CATSPERG: variants seen among roughly 807,000 people sequenced by gnomAD.
The protein encoded by CATSPERG is cation channel sperm-associated auxiliary subunit gamma.
A neutral mutation model predicts 145.0 loss-of-function variants in CATSPERG; 115 were observed. That is an observed-to-expected ratio of 0.79 (90% confidence interval 0.68 to 0.93). CATSPERG has a LOEUF of 0.93. Among genes scored for constraint, CATSPERG ranks in the 40% least tolerant of loss-of-function variants. CATSPERG has a pLI of 0.00. For synonymous variants in CATSPERG, 588 were observed against 589.0 expected (o/e 1.00, Z 0.02); for missense variants, 1,296 against 1,490.1 (o/e 0.87, Z 2.14).
intron 8 of CATSPERG, 63 bp downstream of exon 8, chr19:38,352,495 G>A: frequency 6.7e-7 from 1 of 1,481,638 alleles, no homozygotes; most frequent in Non-Finnish European, 9.2e-7. Flanking sequence ...CTCCACTGAA[G>A]GTGGCTGGGG....
chr19:38,368,004 C>T, intron 25 of CATSPERG, 44 bp from the exon 26 acceptor site: 3 of 1,578,660 alleles, frequency 1.9e-6, no homozygotes, highest in East Asian at 2.2e-5. Flanking sequence ...ACCTCCCCTA[C>T]ACCGCCCCCC....
chr19:38,360,893 C>T (rs1360348982), intron 16 of CATSPERG, 50 bp downstream of exon 16: 2 of 1,424,716 alleles, frequency 1.4e-6, no homozygotes, highest in Non-Finnish European at 1.9e-6. Flanking sequence ...CCGGCACTGC[C>T]CTCCTGAAGC....
Position 38,343,987 on chromosome 19 carries a change from C to T in CATSPERG, c.470-6C>T, listed in dbSNP as rs538661583. ...AGCAGTTTCAGTGCCCAGGGCCTCC[C>T]TGCAGAGCCATGCATGGCAGAAGAA... is the stretch of plus-strand genomic sequence containing the variant. On this transcript the variant is annotated splice_polypyrimidine_tract_variant and splice_region_variant and intron_variant, in intron 4 of 28. Transcript: ENST00000409235. 6.5e-7 allele frequency: 1 copy of T among 1,549,760 alleles called. No homozygotes were observed. The highest frequency in any genetic ancestry group is 1.4e-5 in the African/African-American group (1 of 73,088).
chr19:38,341,145 G>A (rs1307072203), intron 3 of CATSPERG, among the ~76,000 whole-genome samples: 1 of 152,142 alleles, frequency 6.6e-6, no homozygotes, highest in Non-Finnish European at 1.5e-5. Flanking sequence ...GGGAAGTGAT[G>A]GGGGAAGGTT....
chr19:38,352,398 C>G lies in CATSPERG; in HGVS notation c.963C>G (p.Thr321=), dbSNP rs1286659969. The G allele has an allele frequency of 6.4e-7, 1 of 1,551,980 alleles. No homozygotes were observed. Among genetic ancestry groups the G allele is most frequent in the South Asian group, 1.2e-5 (1 of 84,052 alleles). Reference sequence around the variant, plus strand: ...AGCTGGTCTACTATTTTACAGGCACCTATACCACACTCTATGAGAGAAACC... The same window carrying G: ...AGCTGGTCTACTATTTTACAGGCACGTATACCACACTCTATGAGAGAAACC... ...QNQLVYYFTG[T]YTTLYERNRG... The change falls in exon 8 of 29, where the codon ACC becomes ACG. Residue 321 remains threonine, a synonymous_variant. Coordinates refer to ENST00000409235, the MANE Select transcript of CATSPERG (RefSeq NM_021185.5).
At chr19:38,356,414 C>G in intron 9 of CATSPERG, 70 bp from the exon 10 acceptor site, 1 of 1,438,140 alleles carries the variant, frequency 7.0e-7, no homozygotes, top group Non-Finnish European at 9.7e-7. Flanking sequence ...GGAGGGCAAT[C>G]GGAGTTGGCT....
At chr19:38,345,493 C>T (rs1381153464) in intron 6 of CATSPERG, among the ~76,000 whole-genome samples, 3 of 150,374 alleles carry the variant, frequency 2.0e-5, no homozygotes, top group African/African-American at 7.3e-5. Context: ...GTGCCCGGCC[C>T]ATGCCCATAT....
intron 17 of CATSPERG, 40 bp downstream of exon 17, chr19:38,361,901 C>G (rs1479082724): frequency 3.0e-6 from 4 of 1,326,424 alleles, no homozygotes; most frequent in South Asian, 2.4e-5. Context: ...TGAGACGGGA[C>G]TGGGGCAGCC....
rs747558785 is a variant in CATSPERG at position 38,362,614 on chromosome 19, A to C, written c.2356+40A>C. ...AGAGTGGAGCCCGAAGGGCGGGGCGAGGGCTACCAGAATCTGGGAGCCTGG... is the reference window on the plus strand; with the variant it reads ...AGAGTGGAGCCCGAAGGGCGGGGCGCGGGCTACCAGAATCTGGGAGCCTGG... On this transcript the variant is annotated intron_variant, in intron 19 of 28. Transcript: ENST00000409235. 1.4e-5 allele frequency: 23 copies of C among 1,588,964 alleles called. No individual in the cohort carries two copies. The Admixed American group carries it at 3.9e-4, about 27-fold the overall frequency.
Position 38,349,641 on chromosome 19 carries a change from T to TG in CATSPERG, c.826-2619dup, listed in dbSNP as rs1970100895. 4 of 152,396 alleles carry TG rather than the reference T, an allele frequency of 2.6e-5. No individual in the cohort carries two copies. In the Admixed American group the frequency reaches 2.6e-4, roughly 10 times the overall value. 9.4% of individuals were successfully genotyped at this position (152,396 alleles called of 1,614,324 possible). On this transcript the variant is annotated intron_variant, in intron 7 of 28. Transcript: ENST00000409235. ...TACTTAAACAGAGACTGTTGCTCAT[T>TG]GTTTTTTTTTGTTTGTTTGTTTGTT...
chr19:38,365,039 C>T (rs761368282), intron 21 of CATSPERG, 22 bp from the exon 22 acceptor site: 1 of 1,613,978 alleles, frequency 6.2e-7, no homozygotes, highest in Non-Finnish European at 8.5e-7. Context: ...GGATCACCAT[C>T]TTCACCTGCT....
intron 6 of CATSPERG, among the ~76,000 whole-genome samples, chr19:38,345,489 G>A (rs1183441565): frequency 6.6e-6 from 1 of 151,024 alleles, no homozygotes. Context: ...CACTGTGCCC[G>A]GCCCATGCCC....
intron 20 of CATSPERG, among the ~76,000 whole-genome samples, chr19:38,363,379 G>A (rs1221668677): frequency 1.3e-5 from 2 of 151,598 alleles, no homozygotes; most frequent in African/African-American, 2.4e-5. Context: ...GTCTCCCTAT[G>A]TTGCCCAGGC....
chr19:38,361,508 C>A, intron 16 of CATSPERG, 140 bp from the exon 17 acceptor site: 1 of 686,632 alleles, frequency 1.5e-6, no homozygotes, highest in East Asian at 2.7e-5. Flanking sequence ...GGCCTCTGGG[C>A]AGCAGGGGCT....
At position 38,362,452 on chromosome 19, in the gene CATSPERG, T is replaced by C. The variant is rs1219815927; in HGVS notation, c.2234T>C (p.Ile745Thr). Residue 745 changes from isoleucine (I) to threonine (T), a missense_variant, in exon 19 of 29, where the codon ATC becomes ACC. Coordinates refer to ENST00000409235, the MANE Select transcript of CATSPERG (RefSeq NM_021185.5). ...ATAGAAATGGACAGCTACGAAAAGA[T>C]CTACAACCTCGAGTCCGCGTACGAG... Reference protein sequence around the residue: ...VSIEMDSYEKIYNLESAYELP... With the variant: ...VSIEMDSYEKTYNLESAYELP... The C allele has an allele frequency of 1.2e-6, 2 of 1,613,868 alleles. No individual in the cohort carries two copies. The highest frequency in any genetic ancestry group is 1.3e-5 in the African/African-American group (1 of 74,928).
chr19:38,367,865 C>A lies in CATSPERG; in HGVS notation c.2930+89C>A, dbSNP rs2302187. ...AAGCCAAGCCCACCTCGCAAGCCCC[C>A]ACCTCTGCGTCTCAGGCCCTGCCCA... On this transcript the variant is annotated intron_variant, in intron 25 of 28. Transcript: ENST00000409235. 3,361 of 1,310,902 alleles carry A rather than the reference C, an allele frequency of 2.6e-3. 60 individuals carry two copies. The East Asian group carries it at 0.05, about 19-fold the overall frequency. 81.2% of individuals were successfully genotyped at this position (1,310,902 alleles called of 1,614,324 possible). A position where few individuals can be genotyped will look rare whatever the true frequency, so the allele number is the denominator to read the frequency against.
In CATSPERG at chr19:38,346,430, C is replaced by G. The variant is rs895207525; in HGVS notation, c.670-20C>G. On this transcript the variant is annotated intron_variant, in intron 6 of 28. Coordinates refer to ENST00000409235, the MANE Select transcript of CATSPERG (RefSeq NM_021185.5). The stretch of plus-strand genomic sequence containing the variant: ...GAGAGTGGGGAGAGTGTTGGCGTCC[C>G]TCCTGTCCCTCCTTGGCAGCTCTTC... 3.0e-5 allele frequency: 46 copies of G among 1,522,278 alleles called. No homozygotes were observed. The highest frequency in any genetic ancestry group is 3.9e-5 in the Non-Finnish European group (44 of 1,125,650). 94.3% of individuals were successfully genotyped at this position (1,522,278 alleles called of 1,614,324 possible).
Position 38,367,175 on chromosome 19 carries a change from T to G in CATSPERG, c.2633T>G (p.Val878Gly), listed in dbSNP as rs746673830. ...PHMQGNLMVP[V>G]FIGCPPGKRL... ...ACCGAGGGCAACCTGATGGTGCCAG[T>G]GTTCATTGGCTGCCCCCCAGGCAAG... The change falls in exon 23 of 29, where the codon GTG becomes GGG. Residue 878 changes from valine to glycine, a missense_variant. Coordinates refer to ENST00000409235, the MANE Select transcript of CATSPERG (RefSeq NM_021185.5). 53 of 1,613,298 alleles carry G rather than the reference T, an allele frequency of 3.3e-5. No homozygotes were observed. The highest frequency in any genetic ancestry group is 4.4e-5 in the Non-Finnish European group (52 of 1,179,786).
chr19:38,361,405 T>G (rs1970341879), intron 16 of CATSPERG, among the ~76,000 whole-genome samples: 1 of 150,164 alleles, frequency 6.7e-6, no homozygotes, highest in African/African-American at 2.5e-5. Context: ...AGATAAGAGG[T>G]CAAGTGGACA....
Sources: gnomAD v4.1 joint callset for allele counts (sites outside exome capture counted in the v4.1 genomes callset) on GRCh38, gnomAD v4.1.1 for gene constraint, MANE v1.5 for transcripts, NCBI Gene and HGNC (gene_info 2026-07-23, HGNC 2026-07-21) for gene names.